MED16: variants seen among roughly 807,000 people sequenced by gnomAD.
MED16 encodes mediator complex subunit 16, also known as mediator of RNA polymerase II transcription subunit 16.
MED16 carries 81 observed loss-of-function variants against 84.4 expected under a neutral mutation model. That is an observed-to-expected ratio of 0.96 (90% CI 0.80 to 1.15). The LOEUF is 1.15. Among genes scored for constraint, MED16 ranks in the 50% most tolerant of loss-of-function variants. The pLI is 0.00. For missense variants in MED16, 1,585 were observed against 1,245.9 expected, an observed-to-expected ratio of 1.27 and a Z score of -4.10; for synonymous variants, 897 against 552.2, an observed-to-expected ratio of 1.62 and a Z score of -8.76.
In MED16 at chr19:876,930, G is replaced by GGGCCCCCACCTGCCACAT. The variant is rs764840974; in HGVS notation, c.1560+43_1560+44insATGTGGCAGGTGGGGGCC. 8 of 1,511,210 alleles carry GGGCCCCCACCTGCCACAT rather than the reference G, an allele frequency of 5.3e-6. No homozygotes were observed. The African/African-American group carries it at 7.9e-5, about 15-fold the overall frequency. The allele number at this position is 1,511,210 out of a possible 1,614,324, so 93.6% of individuals were successfully genotyped here. On this transcript the variant is annotated intron_variant, in intron 9 of 15. Transcript: ENST00000325464. ...TGCCACGGGGCCCCCACCTGCCACA[G>GGGCCCCCACCTGCCACAT]GGCCCCCACCTGCCACGGGGCCCCA...
chr19:889,135 C>G (rs931251217), intron 4 of MED16, among the ~76,000 whole-genome samples: 1 of 138,186 alleles, frequency 7.2e-6, no homozygotes, highest in African/African-American at 2.8e-5. Flanking sequence ...ACCCTGGCCA[C>G]GCCTACTCTT....
chr19:886,375 C>T (rs114514299), intron 4 of MED16, among the ~76,000 whole-genome samples, 174 bp from the exon 5 acceptor site: 5 of 152,310 alleles, frequency 3.3e-5, no homozygotes, highest in East Asian at 1.9e-4. Flanking sequence ...TCTGACCCTC[C>T]GTCTCCTCAT....
chr19:874,859 G>A (rs1248871350), intron 10 of MED16, among the ~76,000 whole-genome samples: 2 of 152,124 alleles, frequency 1.3e-5, no homozygotes, highest in African/African-American at 4.8e-5. Context: ...GACACAGTGA[G>A]ACCGTCTCTA....
At chr19:869,488 C>T (rs2035996242) in intron 13 of MED16, among the ~76,000 whole-genome samples, 1 of 152,150 alleles carries the variant, frequency 6.6e-6, no homozygotes, top group Admixed American at 6.5e-5. Flanking sequence ...GAAATTTTCC[C>T]AGTTTACAAG....
At chr19:870,136 C>A (rs978735646) in intron 13 of MED16, among the ~76,000 whole-genome samples, 14 of 152,196 alleles carry the variant, frequency 9.2e-5, no homozygotes, top group African/African-American at 3.4e-4. Context: ...GGGCCCTGGG[C>A]CATATGCTAA....
chr19:877,573 A>G (rs1025302585), intron 8 of MED16, among the ~76,000 whole-genome samples: 6 of 88,754 alleles, frequency 6.8e-5, no homozygotes, highest in Admixed American at 3.8e-4. Context: ...AAGGCAGCGC[A>G]GGCAGGGGCT....
Position 873,244 on chromosome 19 carries a change from GGGTGGGACTCCAACCAGGGGCGGGGCTGA to G in MED16, c.1905+176_1905+204del, listed in dbSNP as rs1431248230. Among the ~76,000 whole-genome samples the G allele has an allele frequency of 5.8e-3, 831 of 144,184 alleles. 3 individuals are homozygous for G. Among genetic ancestry groups the G allele is most frequent in the Non-Finnish European group, 0.01 (665 of 66,132 alleles). 94.6% of individuals were successfully genotyped at this position (144,184 alleles called of 152,430 possible). A position where few individuals can be genotyped will look rare whatever the true frequency, so the allele number is the denominator to read the frequency against. On this transcript the variant is annotated intron_variant, in intron 11 of 15. Coordinates refer to ENST00000325464, the MANE Select transcript of MED16 (RefSeq NM_005481.3). ...ACTCAGGAAGTGGGACTCCAAGTAG[GGGTGGGACTCCAACCAGGGGCGGGGCTGA>G]GGTGGGACTCCAAGCAGGGGCGGGA...
In MED16 at chr19:871,130, C is replaced by T. The variant is rs755355354; in HGVS notation, c.2222G>A (p.Arg741His). Reference protein sequence around the residue: ...WLPASDGLVSRLQPKQPLRLQ... With the variant: ...WLPASDGLVSHLQPKQPLRLQ... Reference sequence around the variant, plus strand: ...ACGAAGGGGCTGCTTGGGCTGCAGGCGGCTAACCAGGCCGTCGCTGGCTGG... The same window carrying T: ...ACGAAGGGGCTGCTTGGGCTGCAGGTGGCTAACCAGGCCGTCGCTGGCTGG... Residue 741 changes from arginine (R) to histidine (H), a missense_variant, in exon 13 of 16, where the codon CGC becomes CAC. Physicochemically the swap from Arg to His is conservative, Grantham distance 29. Transcript: ENST00000325464. 22 of 1,548,400 alleles carry T rather than the reference C, an allele frequency of 1.4e-5. No individual in the cohort carries two copies. In the East Asian group the frequency reaches 1.7e-4, roughly 12 times the overall value.
Position 877,189 on chromosome 19 carries a change from G to A in MED16, c.1354-9C>T, listed in dbSNP as rs375749711. On this transcript the variant is annotated splice_polypyrimidine_tract_variant and intron_variant, in intron 8 of 15. Coordinates refer to ENST00000325464, the MANE Select transcript of MED16 (RefSeq NM_005481.3). ...AGGCGGAGCACGCTCAGCTGCCAGA[G>A]ACAGAGCCCAAGGAGAGCCCGGTGA... 1.7e-5 allele frequency: 28 copies of A among 1,603,590 alleles called. No homozygotes were observed. Among genetic ancestry groups the A allele is most frequent in the Non-Finnish European group, 2.2e-5 (26 of 1,176,888 alleles).
intron 6 of MED16, among the ~76,000 whole-genome samples, chr19:884,582 C>A (rs754726918): frequency 6.6e-6 from 1 of 152,154 alleles, no homozygotes; most frequent in Non-Finnish European, 1.5e-5. Context: ...GCTCCACAGC[C>A]GCCCACACGC....
intron 8 of MED16, among the ~76,000 whole-genome samples, chr19:879,479 A>ACCAGCC (rs2036360114): frequency 5.5e-5 from 7 of 128,124 alleles, no homozygotes; most frequent in Non-Finnish European, 1.1e-4. Flanking sequence ...GTCAATGCCC[A>ACCAGCC]CCAGCCCCAG....
At chr19:887,070 A>G (rs1171420328) in intron 4 of MED16, among the ~76,000 whole-genome samples, 1 of 151,552 alleles carries the variant, frequency 6.6e-6, no homozygotes, top group African/African-American at 2.4e-5. Flanking sequence ...CGAGAGCAAA[A>G]CTTTGTCTCA....
At chr19:882,345 CA>C (rs201868030) in intron 6 of MED16, among the ~76,000 whole-genome samples, 6 of 151,692 alleles carry the variant, frequency 4.0e-5, no homozygotes, top group East Asian at 1.9e-4. Context: ...CCATTCTCTA[CA>C]AAAAAAACAC....
intron 13 of MED16, among the ~76,000 whole-genome samples, chr19:869,254 G>C (rs999554506): frequency 6.6e-6 from 1 of 152,196 alleles, no homozygotes; most frequent in African/African-American, 2.4e-5. Context: ...CACGTGCCCG[G>C]GGAGCCTGAG....
chr19:889,524 T>G, intron 4 of MED16, 114 bp downstream of exon 4: 1 of 1,300,116 alleles, frequency 7.7e-7, no homozygotes, highest in Non-Finnish European at 1.0e-6. Context: ...GGGAGCCAAG[T>G]GCAAGGTCCA....
At chr19:882,906 TG>T (rs1294043436) in intron 6 of MED16, among the ~76,000 whole-genome samples, 1 of 152,080 alleles carries the variant, frequency 6.6e-6, no homozygotes, top group African/African-American at 2.4e-5. Flanking sequence ...CAGCATTCCC[TG>T]GGGGGAAACA....
intron 10 of MED16, 115 bp from the exon 11 acceptor site, chr19:873,697 G>A: frequency 8.0e-7 from 1 of 1,246,020 alleles, no homozygotes; most frequent in Non-Finnish European, 1.1e-6. Context: ...CAGGACACAA[G>A]GGGACCCACA....
intron 13 of MED16, among the ~76,000 whole-genome samples, chr19:870,036 C>G (rs1343916764): frequency 6.6e-5 from 10 of 152,200 alleles, no homozygotes; most frequent in African/African-American, 1.9e-4. Context: ...TTGCCCAAAC[C>G]CCGCACATTC....
chr19:876,205 G>C (rs1228788271), intron 9 of MED16, among the ~76,000 whole-genome samples: 1 of 152,136 alleles, frequency 6.6e-6, no homozygotes, highest in Non-Finnish European at 1.5e-5. Context: ...GAAGCTCAGA[G>C]GGCTGGTCCC....
Sources: gnomAD v4.1 joint callset for allele counts (sites outside exome capture counted in the v4.1 genomes callset) on GRCh38, gnomAD v4.1.1 for gene constraint, MANE v1.5 for transcripts, NCBI Gene and HGNC (gene_info 2026-07-23, HGNC 2026-07-21) for gene names.